Variants in MAF observed in about 807,000 individuals in gnomAD.
MAF encodes the protein MAF bZIP transcription factor, also known as transcription factor Maf.
A neutral mutation model predicts 22.0 loss-of-function variants in MAF; 10 were observed. The ratio of observed to expected loss-of-function variants is 0.45; its 90% CI spans 0.28 to 0.77. MAF has a LOEUF of 0.77. MAF is among the 30% of genes least tolerant of loss of function. The pLI is 0.12. For synonymous variants in MAF, 337 were observed against 255.8 expected (o/e 1.32, Z -3.03); for missense variants, 544 against 548.4 (o/e 0.99, Z 0.08).
At chr16:79,231,430 GA>G in the MAF span, among the ~76,000 whole-genome samples, 2 of 152,068 alleles carry the variant, frequency 1.3e-5, no homozygotes, top group East Asian at 3.9e-4. Flanking sequence ...AAAGCTGACA[GA>G]AGCGGAAATA....
At chr16:79,584,747 A>C (rs904461964), downstream of MAF, among the ~76,000 whole-genome samples, 8 of 152,258 alleles carry the variant, frequency 5.3e-5, no homozygotes, top group Admixed American at 2.6e-4. Flanking sequence ...ACTGAGTTTA[A>C]AACTATGTAT....
the MAF span, among the ~76,000 whole-genome samples, chr16:79,554,594 C>G: frequency 1.3e-5 from 2 of 152,090 alleles, no homozygotes; most frequent in African/African-American, 4.8e-5. Flanking sequence ...AGTGAGGGCC[C>G]CTTTGTCTCT....
chr16:79,419,465 T>TAG, the MAF span, among the ~76,000 whole-genome samples: 1 of 152,250 alleles, frequency 6.6e-6, no homozygotes, highest in Non-Finnish European at 1.5e-5. Flanking sequence ...TCAGTCGCCT[T>TAG]ACAGTTTCCA....
the MAF span, among the ~76,000 whole-genome samples, chr16:79,356,306 A>G: frequency 6.6e-6 from 1 of 152,154 alleles, no homozygotes; most frequent in East Asian, 1.9e-4. Context: ...CAAGCTCTCA[A>G]TTTTAACTAA....
chr16:79,217,627 C>A, the MAF span, among the ~76,000 whole-genome samples: 1 of 152,140 alleles, frequency 6.6e-6, no homozygotes, highest in Admixed American at 6.5e-5. Context: ...GCTACAGAAT[C>A]CACCCAAACA....
the MAF span, among the ~76,000 whole-genome samples, chr16:79,328,183 G>C: frequency 3.9e-5 from 6 of 152,074 alleles, no homozygotes; most frequent in Non-Finnish European, 7.3e-5. Flanking sequence ...TGCCGCCCTG[G>C]GAGTCTCTTA....
At chr16:79,361,981 A>G in the MAF span, among the ~76,000 whole-genome samples, 1 of 152,194 alleles carries the variant, frequency 6.6e-6, no homozygotes, top group African/African-American at 2.4e-5. Context: ...TTCTGCCAAG[A>G]CAGAGATCGT....
At chr16:79,506,359 A>C in the MAF span, among the ~76,000 whole-genome samples, 1 of 152,006 alleles carries the variant, frequency 6.6e-6, no homozygotes, top group Admixed American at 6.5e-5. Flanking sequence ...TTCCTGGGGG[A>C]AGGACTCAGG....
chr16:79,382,301 C>G, the MAF span, among the ~76,000 whole-genome samples: 3 of 152,210 alleles, frequency 2.0e-5, no homozygotes, highest in African/African-American at 4.8e-5. Flanking sequence ...AACTAAAATT[C>G]TCTTTCTTCT....
At chr16:79,342,539 A>G in the MAF span, among the ~76,000 whole-genome samples, 705 of 152,122 alleles carry the variant, frequency 4.6e-3, 2 homozygotes, top group Non-Finnish European at 7.4e-3. Flanking sequence ...CATCATCCCA[A>G]TCATCACCGT....
At chr16:79,538,775 G>A in the MAF span, among the ~76,000 whole-genome samples, 1 of 151,350 alleles carries the variant, frequency 6.6e-6, no homozygotes, top group Non-Finnish European at 1.5e-5. Context: ...GCAGTGAGCT[G>A]AGATCACACC....
At chr16:79,307,379 C>T in the MAF span, among the ~76,000 whole-genome samples, 8 of 152,308 alleles carry the variant, frequency 5.3e-5, no homozygotes, top group East Asian at 3.9e-4. Context: ...AGGCACAGCC[C>T]GGGTCCCTGG....
the MAF span, among the ~76,000 whole-genome samples, chr16:79,530,121 T>C: frequency 6.6e-6 from 1 of 152,348 alleles, no homozygotes; most frequent in South Asian, 2.1e-4. Flanking sequence ...GAATTAGTAT[T>C]ACTACGTATT....
the MAF span, among the ~76,000 whole-genome samples, chr16:79,512,259 T>C: frequency 4.5e-4 from 69 of 152,332 alleles, no homozygotes; most frequent in Admixed American, 3.9e-3. Context: ...AGACTCTTTA[T>C]TTTAAGGCAG....
the MAF span, among the ~76,000 whole-genome samples, chr16:79,569,075 A>C: frequency 6.6e-6 from 1 of 152,178 alleles, no homozygotes; most frequent in Non-Finnish European, 1.5e-5. Context: ...ATTCATTCGT[A>C]GCAACAATCT....
chr16:79,554,187 A>G, the MAF span, among the ~76,000 whole-genome samples: 2 of 152,230 alleles, frequency 1.3e-5, no homozygotes, highest in Non-Finnish European at 2.9e-5. Context: ...ACTATGAGCT[A>G]GCAACTACAC....
chr16:79,228,006 C>T, the MAF span, among the ~76,000 whole-genome samples: 6 of 152,200 alleles, frequency 3.9e-5, no homozygotes, highest in East Asian at 3.9e-4. Context: ...TGCGCTCAAG[C>T]GATCCTCTCA....
At chr16:79,256,117 G>T in the MAF span, among the ~76,000 whole-genome samples, 1 of 151,010 alleles carries the variant, frequency 6.6e-6, no homozygotes, top group African/African-American at 2.4e-5. Flanking sequence ...GAGTAGCTGG[G>T]ACTACAGGCA....
Position 79,599,488 on chromosome 16 carries a change from C to T in MAF, c.415G>A (p.Ala139Thr). The stretch of plus-strand genomic sequence containing the variant: ...CCGGCACCGGCCCCGGCCGCCGCGG[C>T]CAGCTGCTGCGCCCCGCGCGCGTAG... The part of the protein sequence containing the change: ...DGYARGAQQL[A>T]AAAGAGAGAS... Residue 139 changes from alanine (A) to threonine (T), a missense_variant, in exon 1 of 2, where the codon GCC (alanine) becomes ACC (threonine). Around this residue, in one of 5 missense-constraint regions of MAF, gnomAD observed 342 missense variants for 315.5 expected, o/e 1.08. Transcript: ENST00000326043. The T allele has an allele frequency of 2.1e-6, 3 of 1,421,430 alleles. No individual in the cohort carries two copies. The highest frequency in any genetic ancestry group is 3.2e-5 in the Admixed American group (1 of 31,186). The allele number at this position is 1,421,430 out of a possible 1,614,324, so 88.1% of individuals were successfully genotyped here. A position where few individuals can be genotyped will look rare whatever the true frequency, so the allele number is the denominator to read the frequency against.
Sources: gnomAD v4.1 joint callset for allele counts (sites outside exome capture counted in the v4.1 genomes callset) on GRCh38, gnomAD v4.1.1 for gene constraint, gnomAD v4.1.1 regional missense constraint, MANE v1.5 for transcripts, NCBI Gene and HGNC (gene_info 2026-07-23, HGNC 2026-07-21) for gene names.